The following DOCK10 variants were observed in gnomAD, a reference collection of about 807,000 sequenced individuals.
DOCK10 encodes the protein dedicator of cytokinesis protein 10.
A neutral mutation model predicts 280.1 loss-of-function variants in DOCK10; 145 were observed. The ratio of observed to expected loss-of-function variants is 0.52; its 90% CI spans 0.45 to 0.59. DOCK10 has a LOEUF of 0.59. Among genes scored for constraint, DOCK10 ranks in the 20% least tolerant of loss-of-function variants. The pLI, the probability that DOCK10 is intolerant of heterozygous loss-of-function variation, is 0.00. For synonymous variants in DOCK10, 915 were observed against 942.2 expected, an observed-to-expected ratio of 0.97 and a Z score of 0.53; for missense variants, 2,368 against 2,651.7, an observed-to-expected ratio of 0.89 and a Z score of 2.35.
At chr2:224,930,200 TAAAAAAAA>T (rs749672431) in intron 2 of DOCK10, among the ~76,000 whole-genome samples, 1 of 92,276 alleles carries the variant, frequency 1.1e-5, no homozygotes, top group African/African-American at 4.4e-5. Flanking sequence ...TGACACTCGG[TAAAAAAAA>T]AAAAAAAAAA....
At chr2:224,886,888 A>C (rs57868885) in intron 4 of DOCK10, among the ~76,000 whole-genome samples, 28,606 of 139,542 alleles carry the variant, frequency 0.2, 4,104 homozygotes, top group African/African-American at 0.42. Context: ...CACCCCCAAC[A>C]CCCCCCCAAG....
Position 224,818,519 on chromosome 2 carries a change from T to G in DOCK10, c.3267+927A>C, listed in dbSNP as rs142055238. 3.3e-5 allele frequency among the ~76,000 whole-genome samples: 5 copies of G among 150,750 alleles called. No homozygotes were observed. The East Asian group carries it at 1.0e-3, about 30-fold the overall frequency. On this transcript the variant is annotated intron_variant, in intron 29 of 55. Transcript: ENST00000258390. ...TTCACCCCATTCTCCTGCCTCAGCATCCTGAGTAGCTGGAGCTACAGGTGC... is the reference window on the plus strand; with the variant it reads ...TTCACCCCATTCTCCTGCCTCAGCAGCCTGAGTAGCTGGAGCTACAGGTGC...
In DOCK10 at chr2:225,042,223, G is replaced by A; in HGVS notation, c.123+29C>T. ...TCCCCCCGGGCGCCTGGGGCGCGCG[G>A]GAAGGCGCGGAGGACGCGCCGCACT... is the stretch of plus-strand genomic sequence containing the variant. On this transcript the variant is annotated intron_variant, in intron 1 of 55. Coordinates refer to ENST00000258390, the MANE Select transcript of DOCK10 (RefSeq NM_014689.3). This position sits in a 1 kb window ranked among gnomAD's most constrained non-coding sequence, Gnocchi z 5.1. 8.1e-7 allele frequency: 1 copy of A among 1,239,528 alleles called. No homozygotes were observed. Among genetic ancestry groups the A allele is most frequent in the East Asian group, 3.3e-5 (1 of 30,658 alleles). 76.8% of individuals were successfully genotyped at this position (1,239,528 alleles called of 1,614,324 possible).
Position 224,865,080 on chromosome 2 carries a change from G to A in DOCK10, c.1265C>T (p.Pro422Leu), listed in dbSNP as rs1697810097. The change falls in exon 12 of 56, where the codon CCT (proline) becomes CTT (leucine). Residue 422 changes from proline to leucine, a missense_variant. Pro to Leu is a moderately conservative substitution (Grantham distance 98). Transcript: ENST00000258390. ...ATAAAGTGCCACACTCACAAAAAAA[G>A]GCTCAATCTGCATGAAAAAGAAAGA... ...NENDPITNIE[P>L]FFVSVALYDL... 1 of 1,613,102 alleles carries A rather than the reference G, an allele frequency of 6.2e-7. No homozygotes were observed. The highest frequency in any genetic ancestry group is 8.5e-7 in the Non-Finnish European group (1 of 1,179,694).
At chr2:224,798,399 G>A (rs549926289) in intron 41 of DOCK10, among the ~76,000 whole-genome samples, 7 of 152,262 alleles carry the variant, frequency 4.6e-5, no homozygotes, top group East Asian at 1.9e-4. Context: ...ATGCAATGGC[G>A]AGTTGGGTGG....
intron 1 of DOCK10, among the ~76,000 whole-genome samples, chr2:224,941,659 C>T (rs1168913906): frequency 6.6e-6 from 1 of 151,980 alleles, no homozygotes; most frequent in Non-Finnish European, 1.5e-5. Context: ...GCCTGGCCAA[C>T]ATGGTGAAAC....
intron 3 of DOCK10, among the ~76,000 whole-genome samples, chr2:224,900,312 C>T (rs1334067092): frequency 6.6e-6 from 1 of 151,020 alleles, no homozygotes; most frequent in African/African-American, 2.4e-5. Flanking sequence ...TTTTTTAAAG[C>T]TATAAATGTT....
chr2:225,035,568 ATATATATATATATATAT>A lies in DOCK10; in HGVS notation c.123+6667_123+6683del, dbSNP rs1559986574. On this transcript the variant is annotated intron_variant, in intron 1 of 55. Transcript: ENST00000258390. ...TATATATATATATATATATATATAT[ATATATATATATATATAT>A]ATAACACTGAATCAGTGTTAATTGT... Among the ~76,000 whole-genome samples, 9 of 57,070 alleles carry A rather than the reference ATATATATATATATATAT, an allele frequency of 1.6e-4. 1 individual carries two copies. The highest frequency in any genetic ancestry group is 4.2e-4 in the African/African-American group (9 of 21,402). 37.4% of individuals were successfully genotyped at this position (57,070 alleles called of 152,430 possible).
chr2:224,985,630 G>GAAA (rs56042875), intron 1 of DOCK10, among the ~76,000 whole-genome samples: 16,707 of 141,962 alleles, frequency 0.12, 3,046 homozygotes, highest in African/African-American at 0.4. Context: ...GGTTAAGGAG[G>GAAA]AAAAAAAAAA....
chr2:224,984,483 T>C (rs1034131288), intron 1 of DOCK10, among the ~76,000 whole-genome samples: 8 of 152,312 alleles, frequency 5.3e-5, no homozygotes, highest in Middle Eastern at 6.8e-3. Context: ...ACCCCTATTA[T>C]TGACGGGCTG....
At chr2:224,922,119 CAAAAAA>C (rs35964702) in intron 2 of DOCK10, among the ~76,000 whole-genome samples, 2 of 51,588 alleles carry the variant, frequency 3.9e-5, no homozygotes, top group Non-Finnish European at 7.3e-5. Context: ...AACTCCATCT[CAAAAAA>C]AAAAAAAAAA....
At chr2:224,953,178 C>T (rs973487492) in intron 1 of DOCK10, among the ~76,000 whole-genome samples, 1 of 152,244 alleles carries the variant, frequency 6.6e-6, no homozygotes, top group African/African-American at 2.4e-5. Context: ...CTTCCCACTT[C>T]AGTTATTACT....
chr2:224,788,947 CTAAT>C, intron 48 of DOCK10, 113 bp downstream of exon 48: 1 of 635,004 alleles, frequency 1.6e-6, no homozygotes, highest in East Asian at 2.8e-5. Flanking sequence ...TTCATTTTGT[CTAAT>C]TAAGTTATAT....
At chr2:224,858,485 C>T (rs772311038) in intron 14 of DOCK10, among the ~76,000 whole-genome samples, 3 of 152,000 alleles carry the variant, frequency 2.0e-5, no homozygotes, top group East Asian at 1.9e-4. Context: ...GGTGAAACCC[C>T]GTCTCTACTA....
At chr2:224,784,937 C>T (rs1691632272) in intron 50 of DOCK10, among the ~76,000 whole-genome samples, 1 of 152,100 alleles carries the variant, frequency 6.6e-6, no homozygotes, top group Admixed American at 6.6e-5. Flanking sequence ...GGAAGGAATG[C>T]CTGAGGCTTT....
At position 224,794,900 on chromosome 2, in the gene DOCK10, G is replaced by A; in HGVS notation, c.5133C>T (p.Ala1711=). ...TCACCTCAGATAAATCTCCGTTTCT[G>A]GCATGAATCTTGGCCATACTTTCCA... ...TWLESMAKIH[A]RNGDLSEAAM... The change falls in exon 45 of 56, where the codon GCC becomes GCT. Residue 1711 remains alanine (A), a synonymous_variant. Coordinates refer to ENST00000258390, the MANE Select transcript of DOCK10 (RefSeq NM_014689.3). 1.2e-6 allele frequency: 2 copies of A among 1,613,810 alleles called. No homozygotes were observed. Among genetic ancestry groups the A allele is most frequent in the South Asian group, 2.2e-5 (2 of 91,062 alleles).
intron 1 of DOCK10, among the ~76,000 whole-genome samples, chr2:225,011,079 T>A (rs1159834314): frequency 6.6e-6 from 1 of 152,224 alleles, no homozygotes; most frequent in African/African-American, 2.4e-5. Context: ...AAAGTAGTGA[T>A]GGAAAATATT....
chr2:224,822,993 T>G (rs1431742410), intron 28 of DOCK10, among the ~76,000 whole-genome samples: 1 of 151,536 alleles, frequency 6.6e-6, no homozygotes, highest in East Asian at 1.9e-4. Flanking sequence ...TCTTTCTTCC[T>G]GTCTTTTTTT....
At chr2:224,969,445 G>A (rs1704960583) in intron 1 of DOCK10, among the ~76,000 whole-genome samples, 1 of 152,084 alleles carries the variant, frequency 6.6e-6, no homozygotes, top group Non-Finnish European at 1.5e-5. Context: ...TGTTATAGTT[G>A]TGCAAAAAGA....
Sources: allele counts gnomAD v4.1 joint callset (sites outside exome capture counted in the v4.1 genomes callset), GRCh38; gene constraint gnomAD v4.1.1; non-coding constraint Gnocchi (gnomAD v3.1); transcripts MANE v1.5; gene names NCBI Gene and HGNC (gene_info 2026-07-23, HGNC 2026-07-21).